UNC13C: variants seen among roughly 807,000 people sequenced by gnomAD.
UNC13C encodes protein unc-13 homolog C.
Under a neutral mutation model 245.4 loss-of-function variants are expected in UNC13C, and 174 were observed. The observed-to-expected ratio is 0.71, with a 90% CI of 0.63 to 0.80. UNC13C has a LOEUF of 0.80. UNC13C is among the 30% of genes least tolerant of loss of function. The probability of loss-of-function intolerance (pLI) is 0.00; values close to 1 mark genes in which losing one functional copy is unlikely to be tolerated. For missense variants in UNC13C, 2,829 were observed against 2,602.9 expected (o/e 1.09, Z -1.89); for synonymous variants, 992 against 895.1 (o/e 1.11, Z -1.93).
chr15:53,920,586 T>C, the UNC13C span, among the ~76,000 whole-genome samples: 1 of 151,988 alleles, frequency 6.6e-6, no homozygotes, highest in East Asian at 1.9e-4. Flanking sequence ...AAATTATATT[T>C]ATAATTGCTA....
At chr15:54,505,098 C>T (rs572640527) in intron 22 of UNC13C, among the ~76,000 whole-genome samples, 8 of 152,182 alleles carry the variant, frequency 5.3e-5, no homozygotes, top group East Asian at 3.9e-4. Context: ...TATAGGCATC[C>T]GTAAAAGAGC....
chr15:53,893,883 G>A, the UNC13C span, among the ~76,000 whole-genome samples: 1 of 152,150 alleles, frequency 6.6e-6, no homozygotes, highest in Admixed American at 6.5e-5. Context: ...GCTGACATTC[G>A]AGGTACCACT....
chr15:54,073,645 T>A (rs1229593801), intron 2 of UNC13C, among the ~76,000 whole-genome samples: 2 of 151,894 alleles, frequency 1.3e-5, no homozygotes, highest in African/African-American at 4.8e-5. Context: ...ATGATGAGCA[T>A]TTTTTCATAT....
chr15:54,140,511 C>G lies in UNC13C; in HGVS notation c.2984-2507C>G, dbSNP rs142194636. On this transcript the variant is annotated intron_variant, in intron 2 of 32. Coordinates refer to ENST00000260323, the MANE Select transcript of UNC13C (RefSeq NM_001080534.3). Reference sequence around the variant, plus strand: ...ATGAAGATTAGCAAAGAGGAATGCACAGTGCACAATACTGAACCCAGGATG... The same window carrying G: ...ATGAAGATTAGCAAAGAGGAATGCAGAGTGCACAATACTGAACCCAGGATG... Among the ~76,000 whole-genome samples the G allele has an allele frequency of 5.3e-5, 8 of 152,266 alleles. No individual in the cohort carries two copies. In the East Asian group the frequency reaches 1.5e-3, roughly 29 times the overall value.
intron 17 of UNC13C, among the ~76,000 whole-genome samples, chr15:54,371,592 G>C (rs1371550622): frequency 6.6e-6 from 1 of 152,022 alleles, no homozygotes; most frequent in Non-Finnish European, 1.5e-5. Context: ...ATAATTAAAA[G>C]TTTTGCCATT....
the UNC13C span, among the ~76,000 whole-genome samples, chr15:53,953,245 A>G: frequency 1.3e-5 from 2 of 152,190 alleles, no homozygotes; most frequent in African/African-American, 4.8e-5. Context: ...CATTAATCTG[A>G]TGCAAAGTAG....
chr15:54,358,525 G>C (rs1051866177), intron 17 of UNC13C, among the ~76,000 whole-genome samples: 1 of 151,972 alleles, frequency 6.6e-6, no homozygotes, highest in South Asian at 2.1e-4. Flanking sequence ...TTTCAGTATA[G>C]AGATCTTTGA....
In UNC13C at chr15:54,286,801, A is replaced by G. The variant is rs114678183; in HGVS notation, c.3819-7094A>G. ...GTAAATTAGAAACTAAAATCAAAAC[A>G]AAACACAGACACACATACAATAATA... On this transcript the variant is annotated intron_variant, in intron 10 of 32. Transcript: ENST00000260323. Among the ~76,000 whole-genome samples, 577 of 152,310 alleles carry G rather than the reference A, an allele frequency of 3.8e-3. 6 individuals carry two copies. The highest frequency in any genetic ancestry group is 0.013 in the African/African-American group (551 of 41,568).
At chr15:54,452,205 G>A (rs1891217997) in intron 19 of UNC13C, among the ~76,000 whole-genome samples, 1 of 152,146 alleles carries the variant, frequency 6.6e-6, no homozygotes, top group Non-Finnish European at 1.5e-5. Flanking sequence ...AATGTACACT[G>A]GCCTCCATAT....
chr15:54,095,846 A>C (rs552725964), intron 2 of UNC13C, among the ~76,000 whole-genome samples: 3 of 152,340 alleles, frequency 2.0e-5, no homozygotes, highest in African/African-American at 7.2e-5. Context: ...AGTATATATT[A>C]GTAGTTCCAT....
intron 19 of UNC13C, among the ~76,000 whole-genome samples, chr15:54,416,600 G>T (rs572741342): frequency 3.1e-4 from 47 of 151,852 alleles, no homozygotes; most frequent in African/African-American, 1.1e-3. Context: ...TGTCTCTTTG[G>T]GACCCCAAGA....
chr15:54,318,188 G>C (rs919968318), intron 13 of UNC13C, among the ~76,000 whole-genome samples: 7 of 151,902 alleles, frequency 4.6e-5, no homozygotes, highest in African/African-American at 1.7e-4. Flanking sequence ...ATACACATGG[G>C]AGTGCAGATA....
At chr15:54,125,288 C>G (rs892246029) in intron 2 of UNC13C, among the ~76,000 whole-genome samples, 4 of 152,076 alleles carry the variant, frequency 2.6e-5, no homozygotes, top group Non-Finnish European at 1.5e-5. Flanking sequence ...ATAGTGAAAA[C>G]TTGTCTCTAA....
chr15:53,888,226 A>T, the UNC13C span, among the ~76,000 whole-genome samples: 7 of 152,042 alleles, frequency 4.6e-5, no homozygotes, highest in Non-Finnish European at 8.8e-5. Flanking sequence ...TTGTTTCCTG[A>T]CTTTTTAATG....
chr15:54,380,766 C>A (rs528620592), intron 17 of UNC13C, among the ~76,000 whole-genome samples: 2 of 152,188 alleles, frequency 1.3e-5, no homozygotes, highest in Admixed American at 6.5e-5. Context: ...CTTCTTTTGA[C>A]AAATATCTGT....
chr15:54,017,484 ATG>A (rs3985786), intron 2 of UNC13C, among the ~76,000 whole-genome samples: 31,729 of 147,042 alleles, frequency 0.22, 3,474 homozygotes, highest in East Asian at 0.35. Context: ...GTGCATGAGC[ATG>A]TGTGTGTGTG....
At chr15:54,078,342 A>G (rs570011400) in intron 2 of UNC13C, among the ~76,000 whole-genome samples, 1 of 152,282 alleles carries the variant, frequency 6.6e-6, no homozygotes, top group East Asian at 1.9e-4. Flanking sequence ...ATTTTCCTTT[A>G]GGTAGATACC....
intron 2 of UNC13C, among the ~76,000 whole-genome samples, chr15:54,132,769 G>C (rs895647102): frequency 3.9e-5 from 6 of 152,148 alleles, no homozygotes; most frequent in African/African-American, 1.4e-4. Flanking sequence ...GTGACAAATA[G>C]AGCAAACTGT....
chr15:54,176,779 G>A (rs573128678), intron 4 of UNC13C, among the ~76,000 whole-genome samples: 3 of 152,058 alleles, frequency 2.0e-5, no homozygotes, highest in Non-Finnish European at 2.9e-5. Context: ...AAAATCTAAT[G>A]TTAAAGTTTT....
Sources: gnomAD v4.1 joint callset for allele counts (sites outside exome capture counted in the v4.1 genomes callset) on GRCh38, gnomAD v4.1.1 for gene constraint, MANE v1.5 for transcripts, NCBI Gene and HGNC (gene_info 2026-07-23, HGNC 2026-07-21) for gene names.